The following PLPPR5 variants were observed in gnomAD, a reference collection of about 807,000 sequenced individuals.
PLPPR5 encodes phospholipid phosphatase-related protein type 5.
PLPPR5 carries 16 observed loss-of-function variants against 33.9 expected under a neutral mutation model. The ratio of observed to expected loss-of-function variants is 0.47; its 90% CI spans 0.32 to 0.72. The LOEUF is 0.72. Among genes scored for constraint, PLPPR5 ranks in the 30% least tolerant of loss-of-function variants. PLPPR5 has a pLI of 0.03. For missense variants in PLPPR5, 301 were observed against 406.7 expected (o/e 0.74, Z 2.23); for synonymous variants, 163 against 150.3 (o/e 1.08, Z -0.62).
At chr1:98,912,166 G>A (rs879665066) in intron 5 of PLPPR5, among the ~76,000 whole-genome samples, 10 of 152,146 alleles carry the variant, frequency 6.6e-5, no homozygotes, top group Non-Finnish European at 1.2e-4. Context: ...ACATAGGTAT[G>A]TGTCTCAAAA....
At chr1:98,901,025 GTA>G (rs1406034838) in intron 5 of PLPPR5, among the ~76,000 whole-genome samples, 5 of 152,112 alleles carry the variant, frequency 3.3e-5, no homozygotes, top group Non-Finnish European at 5.9e-5. Context: ...CCAAAAAACT[GTA>G]TATGAATGTT....
chr1:99,001,671 G>GATATATATATATATATATATAT (rs55722150), intron 1 of PLPPR5, among the ~76,000 whole-genome samples: 1 of 102,192 alleles, frequency 9.8e-6, no homozygotes, highest in Non-Finnish European at 1.9e-5. Context: ...GAAAGTTAAA[G>GATATATATATATATATATATAT]ATATATATAT....
At chr1:98,959,305 C>T (rs1651138336) in intron 1 of PLPPR5, among the ~76,000 whole-genome samples, 1 of 152,204 alleles carries the variant, frequency 6.6e-6, no homozygotes, top group Non-Finnish European at 1.5e-5. Flanking sequence ...ATGCTGACCT[C>T]TTGCTTGCCT....
rs1324421696 is a variant in PLPPR5 at position 98,892,215 on chromosome 1, T to C, written c.*857A>G. ...CTTTAGTAGTAAAAAAGCCTAAGAG[T>C]GGAGCTTTTGACCACTCTTGAGACA... On this transcript the variant is annotated 3_prime_UTR_variant, in exon 6 of 6. Transcript: ENST00000263177. 6 of 152,110 alleles carry C rather than the reference T, an allele frequency of 3.9e-5. No individual in the cohort carries two copies. Among genetic ancestry groups the C allele is most frequent in the African/African-American group, 1.4e-4 (6 of 41,390 alleles). The allele number at this position is 152,110 out of a possible 1,614,324, so 9.4% of individuals were successfully genotyped here. A position where few individuals can be genotyped will look rare whatever the true frequency, so the allele number is the denominator to read the frequency against.
intron 1 of PLPPR5, among the ~76,000 whole-genome samples, chr1:98,992,427 A>T (rs1652479825): frequency 1.3e-5 from 2 of 152,192 alleles, no homozygotes; most frequent in South Asian, 4.1e-4. Flanking sequence ...AGCAGTTGCC[A>T]AACTAATGAC....
chr1:99,003,617 A>G (rs1391293602), intron 1 of PLPPR5, among the ~76,000 whole-genome samples: 2 of 152,214 alleles, frequency 1.3e-5, no homozygotes, highest in Non-Finnish European at 2.9e-5. Flanking sequence ...TTTATCCCCA[A>G]TAATTTCATA....
rs149279965 is a variant in PLPPR5, at chr1:98,972,171, A to C, written c.238-15430T>G. Among the ~76,000 whole-genome samples, 930 of 152,204 alleles carry C rather than the reference A, an allele frequency of 6.1e-3. 15 individuals carry two copies. The highest frequency in any genetic ancestry group is 0.022 in the African/African-American group (903 of 41,562). On this transcript the variant is annotated intron_variant, in intron 1 of 5. Transcript: ENST00000263177. Reference sequence around the variant, plus strand: ...TTCCCAAGCTCCCCTTGGTACTATAAGACATTTCAAAATCACAATTTTTTA... The same window carrying C: ...TTCCCAAGCTCCCCTTGGTACTATACGACATTTCAAAATCACAATTTTTTA...
chr1:98,913,589 T>C (rs1175652063), intron 5 of PLPPR5, among the ~76,000 whole-genome samples: 1 of 152,230 alleles, frequency 6.6e-6, no homozygotes, highest in African/African-American at 2.4e-5. Flanking sequence ...ACAAAATGTT[T>C]CCTTTATTTC....
intron 1 of PLPPR5, among the ~76,000 whole-genome samples, chr1:98,979,668 T>TG (rs941526480): frequency 2.6e-5 from 4 of 152,058 alleles, no homozygotes; most frequent in African/African-American, 9.7e-5. Flanking sequence ...CCTCCTGCGA[T>TG]GGATTTCTGG....
chr1:98,942,930 G>T (rs1309716126), intron 3 of PLPPR5, among the ~76,000 whole-genome samples: 13 of 151,960 alleles, frequency 8.6e-5, no homozygotes, highest in Non-Finnish European at 1.2e-4. Context: ...AAAGCTGGGT[G>T]TCTTAATATC....
rs1235949806 is a variant in PLPPR5, at chr1:99,004,692, C to G, written c.-21G>C. The stretch of plus-strand genomic sequence containing the variant: ...GGCATGCACGCCTCCCGGGCCGGGC[C>G]GAGCCGAGCCGAGCGGGCGGTCGAC... On this transcript the variant is annotated 5_prime_UTR_variant, in exon 1 of 6. Coordinates refer to ENST00000263177, the MANE Select transcript of PLPPR5 (RefSeq NM_001037317.2). 5 of 1,476,336 alleles carry G rather than the reference C, an allele frequency of 3.4e-6. No homozygotes were observed. The highest frequency in any genetic ancestry group is 2.7e-5 in the East Asian group (1 of 36,606). 91.5% of individuals were successfully genotyped at this position (1,476,336 alleles called of 1,614,324 possible).
intron 1 of PLPPR5, among the ~76,000 whole-genome samples, chr1:98,975,806 A>C (rs987463972): frequency 1.3e-5 from 2 of 152,006 alleles, no homozygotes; most frequent in African/African-American, 4.8e-5. Flanking sequence ...ACAAGGAATA[A>C]ATAATATGTC....
intron 4 of PLPPR5, among the ~76,000 whole-genome samples, chr1:98,918,822 G>A (rs1387779357): frequency 6.6e-6 from 1 of 152,100 alleles, no homozygotes; most frequent in Non-Finnish European, 1.5e-5. Context: ...AGAACTCTGG[G>A]AAGTAAATAA....
chr1:98,975,993 T>C (rs1192828757), intron 1 of PLPPR5, among the ~76,000 whole-genome samples: 1 of 149,770 alleles, frequency 6.7e-6, no homozygotes, highest in Admixed American at 6.8e-5. Context: ...ATATGTTAAA[T>C]GGACTGTGAT....
chr1:98,929,191 CTA>C (rs952894596), intron 3 of PLPPR5, among the ~76,000 whole-genome samples: 2 of 152,236 alleles, frequency 1.3e-5, no homozygotes, highest in Admixed American at 6.5e-5. Context: ...ATGAAAATAA[CTA>C]TGATAATCTG....
At chr1:98,977,059 T>A (rs1651889238) in intron 1 of PLPPR5, among the ~76,000 whole-genome samples, 1 of 152,060 alleles carries the variant, frequency 6.6e-6, no homozygotes, top group African/African-American at 2.4e-5. Flanking sequence ...ATCTGATTGA[T>A]ATTCTAGTTG....
At chr1:98,989,363 T>C (rs1340066220) in intron 1 of PLPPR5, among the ~76,000 whole-genome samples, 2 of 152,102 alleles carry the variant, frequency 1.3e-5, no homozygotes, top group Admixed American at 6.6e-5. Context: ...TGCTTTCAAC[T>C]ATTCATGGAA....
At chr1:98,933,490 A>G (rs1650059662) in intron 3 of PLPPR5, among the ~76,000 whole-genome samples, 1 of 151,892 alleles carries the variant, frequency 6.6e-6, no homozygotes, top group Non-Finnish European at 1.5e-5. Context: ...CTCAAAAAAA[A>G]AAAAAAAAAA....
chr1:98,980,374 T>C (rs11584061), intron 1 of PLPPR5, among the ~76,000 whole-genome samples: 13,842 of 152,116 alleles, frequency 0.091, 727 homozygotes, highest in Non-Finnish European at 0.11. Context: ...TACACTCATA[T>C]CATAAAACTT....
Sources: allele counts gnomAD v4.1 joint callset (sites outside exome capture counted in the v4.1 genomes callset), GRCh38; gene constraint gnomAD v4.1.1; transcripts MANE v1.5; gene names NCBI Gene and HGNC (gene_info 2026-07-23, HGNC 2026-07-21).